Variants in TENM1 observed in about 807,000 individuals in gnomAD.
TENM1 encodes teneurin-1.
In TENM1, 35 loss-of-function variants were observed where a neutral mutation model predicts 174.8. The ratio of observed to expected loss-of-function variants is 0.20; its 90% CI spans 0.15 to 0.27. The LOEUF is 0.27. Ranked by LOEUF, TENM1 falls within the 10% of genes least tolerant of loss-of-function variation. The pLI is 1.00. For missense variants in TENM1, 1,633 were observed against 2,130.1 expected, an observed-to-expected ratio of 0.77 and a Z score of 4.59; for synonymous variants, 781 against 798.7, an observed-to-expected ratio of 0.98 and a Z score of 0.37.
intron 14 of TENM1, among the ~76,000 whole-genome samples, chrX:124,553,995 G>C (rs1314360962): frequency 9.0e-6 from 1 of 111,191 alleles, no homozygotes; most frequent in African/African-American, 3.3e-5. Flanking sequence ...TATAGTTACA[G>C]CTACTTGGGA....
intron 14 of TENM1, among the ~76,000 whole-genome samples, chrX:124,549,836 C>T (rs904512569): frequency 9.0e-5 from 10 of 110,606 alleles, no homozygotes; most frequent in Admixed American, 1.9e-4. Context: ...CCATATAGTA[C>T]GTCTAGACTG....
chrX:124,672,725 A>T (rs2148437449), intron 5 of TENM1, among the ~76,000 whole-genome samples: 1 of 112,101 alleles, frequency 8.9e-6, no homozygotes, highest in East Asian at 2.8e-4. Context: ...GATAGTAAAT[A>T]ATACAAGATT....
exon 16 of TENM1, chrX:124,529,983 C>A: frequency 8.3e-7 from 1 of 1,208,320 alleles, no homozygotes; most frequent in Admixed American, 2.2e-5. Flanking sequence ...CACAGGCACG[C>A]CTGCAACACA....
chrX:124,454,802 G>A (rs1156828288), intron 22 of TENM1, among the ~76,000 whole-genome samples: 3 of 112,204 alleles, frequency 2.7e-5, no homozygotes, highest in Admixed American at 9.5e-5. Flanking sequence ...TTTTGACAGT[G>A]CTCTTGAAAA....
chrX:124,613,991 T>C (rs781484643), intron 11 of TENM1, among the ~76,000 whole-genome samples: 3 of 111,678 alleles, frequency 2.7e-5, no homozygotes, highest in Non-Finnish European at 5.6e-5. Flanking sequence ...TCAGGGCCTA[T>C]GGAGGACTCT....
chrX:124,413,478 A>T (rs1280904673), intron 25 of TENM1, among the ~76,000 whole-genome samples: 2 of 112,049 alleles, frequency 1.8e-5, no homozygotes, highest in Admixed American at 1.9e-4. Flanking sequence ...TGGTTACAGA[A>T]CAGACAGAAC....
the TENM1 span, among the ~76,000 whole-genome samples, chrX:125,006,924 C>A: frequency 9.1e-4 from 102 of 111,688 alleles, 2 homozygotes; most frequent in East Asian, 0.023. Flanking sequence ...TGAGGAAAAA[C>A]CAGTGTAAAA....
intron 1 of TENM1, among the ~76,000 whole-genome samples, chrX:124,951,672 AT>A (rs200014556): frequency 0.018 from 1,160 of 65,524 alleles, 22 homozygotes; most frequent in African/African-American, 0.034. Flanking sequence ...ATATATATAT[AT>A]AACAATCAAT....
intron 11 of TENM1, among the ~76,000 whole-genome samples, chrX:124,565,868 C>G (rs1414765030): frequency 1.8e-5 from 2 of 111,438 alleles, no homozygotes; most frequent in Non-Finnish European, 3.8e-5. Flanking sequence ...ACAAAGATCT[C>G]TAGCATCTGA....
intron 18 of TENM1, among the ~76,000 whole-genome samples, chrX:124,515,279 A>G (rs192513797): frequency 8.9e-6 from 1 of 111,879 alleles, no homozygotes; most frequent in African/African-American, 3.2e-5. Flanking sequence ...TTCCCCTTGA[A>G]AACTGGCACA....
At position 124,384,055 on chromosome X, in the gene TENM1, GT is replaced by G; in HGVS notation, c.6875del (p.Asn2292ThrfsTer23). On this transcript the variant is annotated frameshift_variant, in exon 30 of 32. Transcript: ENST00000422452. LOFTEE classifies it high-confidence loss of function. ...GAGATGTAATCTCCGAGCTTGTGTG[GT>G]TGTACAAATGAGTAACTCTTATGGG... The G allele has an allele frequency of 8.3e-7, 1 of 1,211,473 alleles. No individual in the cohort carries two copies. Among genetic ancestry groups the G allele is most frequent in the Non-Finnish European group, 1.1e-6 (1 of 895,306 alleles).
chrX:124,610,088 T>C (rs187276496), intron 11 of TENM1, among the ~76,000 whole-genome samples: 7 of 111,859 alleles, frequency 6.3e-5, no homozygotes, highest in African/African-American at 1.6e-4. Flanking sequence ...CTAGCCTAGG[T>C]TGACATAGGC....
chrX:124,695,812 T>C (rs1205365453), intron 5 of TENM1, among the ~76,000 whole-genome samples: 1 of 111,000 alleles, frequency 9.0e-6, no homozygotes, highest in Non-Finnish European at 1.9e-5. Context: ...ATTTTTTTTT[T>C]CCTTCCAGTT....
At chrX:125,116,782 C>T in the TENM1 span, among the ~76,000 whole-genome samples, 5 of 111,599 alleles carry the variant, frequency 4.5e-5, no homozygotes, top group African/African-American at 1.3e-4. Flanking sequence ...GAGGCCAATG[C>T]GGGTGGATCT....
intron 1 of TENM1, among the ~76,000 whole-genome samples, chrX:124,960,867 T>A (rs1286724717): frequency 1.8e-5 from 2 of 111,692 alleles, no homozygotes; most frequent in African/African-American, 6.5e-5. Flanking sequence ...GGAAATAATT[T>A]CCCAATTGTC....
chrX:124,590,451 C>T (rs1046004233), intron 11 of TENM1, among the ~76,000 whole-genome samples: 10 of 109,868 alleles, frequency 9.1e-5, no homozygotes, highest in Admixed American at 3.9e-4. Context: ...TCAAGGAGAA[C>T]GACAAACCAC....
intron 25 of TENM1, among the ~76,000 whole-genome samples, chrX:124,416,619 G>A (rs1197618199): frequency 2.7e-5 from 3 of 111,687 alleles, no homozygotes; most frequent in East Asian, 5.6e-4. Context: ...GTGTCACAGC[G>A]CCTGCTCTTC....
At chrX:125,133,771 G>A in the TENM1 span, among the ~76,000 whole-genome samples, 8 of 111,382 alleles carry the variant, frequency 7.2e-5, no homozygotes, top group South Asian at 7.5e-4. Context: ...GAGAATAATC[G>A]CCTTTGCTCC....
chrX:124,464,247 G>C (rs1436228215), intron 22 of TENM1, among the ~76,000 whole-genome samples: 1 of 111,358 alleles, frequency 9.0e-6, no homozygotes, highest in East Asian at 2.8e-4. Context: ...ACTAATTGCA[G>C]TTGTTGCACT....
Sources: allele counts gnomAD v4.1 joint callset (sites outside exome capture counted in the v4.1 genomes callset), GRCh38; gene constraint gnomAD v4.1.1; transcripts MANE v1.5; gene names NCBI Gene and HGNC (gene_info 2026-07-23, HGNC 2026-07-21).